DNAH14: variants seen among roughly 807,000 people sequenced by gnomAD.
The protein encoded by DNAH14 is dynein axonemal heavy chain 14, also known as axonemal beta dynein heavy chain 14.
In DNAH14, 478 loss-of-function variants were observed where a neutral mutation model predicts 520.9. The ratio of observed to expected loss-of-function variants is 0.92; its 90% confidence interval spans 0.85 to 0.99. The LOEUF (loss-of-function observed/expected upper bound fraction) is 0.99, where lower values mean the gene tolerates loss of function less well. Among genes scored for constraint, DNAH14 ranks in the 50% least tolerant of loss-of-function variants. DNAH14 has a pLI of 0.00. For missense variants in DNAH14, 4,831 were observed against 5,234.5 expected, an observed-to-expected ratio of 0.92 and a Z score of 2.38; for synonymous variants, 1,581 against 1,757.2, an observed-to-expected ratio of 0.90 and a Z score of 2.51.
intron 37 of DNAH14, among the ~76,000 whole-genome samples, chr1:225,187,538 T>C: frequency 6.6e-6 from 1 of 151,936 alleles, no homozygotes; most frequent in Non-Finnish European, 1.5e-5. Context: ...CATATGGTAA[T>C]TCTGTGTTTA....
chr1:225,386,427 A>G (rs1009092853), intron 81 of DNAH14, among the ~76,000 whole-genome samples: 6 of 152,246 alleles, frequency 3.9e-5, no homozygotes, highest in South Asian at 2.1e-4. Context: ...AGAAACTACC[A>G]TCAGATTGAA....
Position 225,385,037 on chromosome 1 carries a change from A to T in DNAH14, c.13078-3342A>T, listed in dbSNP as rs1181093101. ...TCAAAAAGCTTATCCACTATGATCA[A>T]GTTGGCTTCCTCCATGGGATGCAGG... On this transcript the variant is annotated intron_variant, in intron 81 of 85. Transcript: ENST00000682510. Among the ~76,000 whole-genome samples the T allele has an allele frequency of 2.0e-5, 3 of 152,250 alleles. No individual in the cohort carries two copies. The East Asian group carries it at 5.8e-4, about 29-fold the overall frequency.
Position 225,049,045 on chromosome 1 carries a change from CTATT to C in DNAH14, c.1913-1163_1913-1160del, listed in dbSNP as rs376252659. ...CCAAATGTCTTTTTAGATCTCTTGC[CTATT>C]TTTTTTTTTTTTTTTTTTTTTTTTT... is the stretch of plus-strand genomic sequence containing the variant. On this transcript the variant is annotated intron_variant, in intron 15 of 85. Coordinates refer to ENST00000682510, the MANE Select transcript of DNAH14 (RefSeq NM_001367479.1). Among the ~76,000 whole-genome samples the C allele has an allele frequency of 3.3e-3, 285 of 87,014 alleles. 3 individuals are homozygous for C. The highest frequency in any genetic ancestry group is 0.01 in the East Asian group (30 of 2,996). The allele number at this position is 87,014 out of a possible 152,430, so 57.1% of individuals were successfully genotyped here.
intron 3 of DNAH14, 70 bp from the exon 4 acceptor site, chr1:224,960,083 T>C: frequency 7.2e-7 from 1 of 1,384,590 alleles, no homozygotes. Flanking sequence ...TATTGCTGGG[T>C]ATGTGGAATT....
intron 33 of DNAH14, 117 bp from the exon 34 acceptor site, chr1:225,153,633 G>T: frequency 4.7e-6 from 3 of 642,530 alleles, no homozygotes; most frequent in Admixed American, 3.3e-5. Flanking sequence ...TTGGATTCAT[G>T]TCACTGTTTC....
rs538993137 is a variant in DNAH14, at chr1:224,939,181, T to C, written c.-34+9346T>C. 7.5e-4 allele frequency among the ~76,000 whole-genome samples: 114 copies of C among 152,370 alleles called. 1 individual carries two copies. Among genetic ancestry groups the C allele is most frequent in the African/African-American group, 2.6e-3 (110 of 41,590 alleles). On this transcript the variant is annotated intron_variant, in intron 1 of 85. Coordinates refer to ENST00000682510, the MANE Select transcript of DNAH14 (RefSeq NM_001367479.1). ...AAAAATACAATACTTGACTGACAGT[T>C]ATTTTCTTCTCAGCATTTTGAGGAT...
At chr1:225,270,939 TC>T in intron 50 of DNAH14, 73 bp downstream of exon 50, 1 of 1,397,328 alleles carries the variant, frequency 7.2e-7, no homozygotes, top group Non-Finnish European at 9.7e-7. Context: ...AGAACTTAAA[TC>T]CACTAATATT....
In DNAH14 at chr1:225,335,275, T is replaced by TGTGTATATGCAGATACACACATGTGTACG. The variant is rs1558425838; in HGVS notation, c.10080+1769_10080+1770insGTGTATATGCAGATACACACATGTGTACG. ...GTATATGCACATATACACGTGTACA[T>TGTGTATATGCAGATACACACATGTGTACG]TGTGTGTATATGCACATATACACAT... is the stretch of plus-strand genomic sequence containing the variant. On this transcript the variant is annotated intron_variant, in intron 66 of 85. Coordinates refer to ENST00000682510, the MANE Select transcript of DNAH14 (RefSeq NM_001367479.1). Among the ~76,000 whole-genome samples, 6 of 79,246 alleles carry TGTGTATATGCAGATACACACATGTGTACG rather than the reference T, an allele frequency of 7.6e-5. No individual in the cohort carries two copies. The East Asian group carries it at 2.9e-3, about 39-fold the overall frequency. The allele number at this position is 79,246 out of a possible 152,430, so 52.0% of individuals were successfully genotyped here. A position where few individuals can be genotyped will look rare whatever the true frequency, so the allele number is the denominator to read the frequency against.
intron 3 of DNAH14, among the ~76,000 whole-genome samples, chr1:224,958,554 G>GGATT (rs1306508062): frequency 6.6e-6 from 1 of 151,916 alleles, no homozygotes; most frequent in African/African-American, 2.4e-5. Flanking sequence ...GAGGGATGAT[G>GGATT]GATTGTAAGA....
chr1:225,108,211 C>G (rs1035626149), intron 23 of DNAH14, among the ~76,000 whole-genome samples: 4 of 152,168 alleles, frequency 2.6e-5, no homozygotes, highest in African/African-American at 9.7e-5. Flanking sequence ...CCAAGTTCTT[C>G]AGCTTTTGGA....
intron 55 of DNAH14, among the ~76,000 whole-genome samples, chr1:225,297,191 G>A (rs2094028637): frequency 6.6e-6 from 1 of 151,834 alleles, no homozygotes. Context: ...ATTGAAATCT[G>A]TAGCTCTGAG....
intron 11 of DNAH14, among the ~76,000 whole-genome samples, chr1:225,036,371 G>A (rs1056813125): frequency 3.9e-5 from 6 of 152,146 alleles, no homozygotes; most frequent in African/African-American, 1.2e-4. Flanking sequence ...TCCTGACCTC[G>A]TGATCCACCC....
chr1:225,085,849 A>G (rs909059947), intron 21 of DNAH14, 60 bp downstream of exon 21: 58 of 1,450,148 alleles, frequency 4.0e-5, no homozygotes, highest in South Asian at 1.4e-4. Context: ...TATTATTTCA[A>G]TCTTTTGCGG....
intron 31 of DNAH14, among the ~76,000 whole-genome samples, chr1:225,151,337 G>A (rs1422396869): frequency 8.6e-6 from 1 of 115,876 alleles, no homozygotes; most frequent in Non-Finnish European, 2.2e-5. Context: ...AGTTGGGGGT[G>A]GGGGGGTCAC....
chr1:225,360,788 G>A lies in DNAH14; in HGVS notation c.11884G>A (p.Asp3962Asn), dbSNP rs141105896. ...CCGTGACCAAGCAGCTAAAGCTGAA[G>A]ACCTCATTTTAAAGGCACTAACAAA... ...LGRDQAAKAEDLILKALTKTQ... is the reference protein window; with the variant it reads ...LGRDQAAKAENLILKALTKTQ... Residue 3962 changes from aspartate to asparagine, a missense_variant, in exon 75 of 86, where the codon GAC (aspartate) becomes AAC (asparagine). By Grantham distance (23) the Asp-to-Asn change is conservative (BLOSUM62 1). Transcript: ENST00000682510. 42 of 1,551,702 alleles carry A rather than the reference G, an allele frequency of 2.7e-5. No homozygotes were observed. The African/African-American group carries it at 4.2e-4, about 16-fold the overall frequency.
chr1:225,080,685 G>T lies in DNAH14; in HGVS notation c.3073G>T (p.Asp1025Tyr). The change falls in exon 19 of 86, where the codon GAT becomes TAT. Residue 1025 changes from aspartate to tyrosine, a missense_variant. Transcript: ENST00000682510. ...EWRNSSLQSI[D>Y]VESVQRNVSK... ...GAGGAATAGTTCTCTTCAAAGTATT[G>T]ATGTAGAATCAGTACAGAGAAATGT... 1 of 1,551,188 alleles carries T rather than the reference G, an allele frequency of 6.4e-7. No individual in the cohort carries two copies. The highest frequency in any genetic ancestry group is 8.7e-7 in the Non-Finnish European group (1 of 1,146,714).
chr1:225,099,422 T>A (rs2170109), intron 22 of DNAH14, among the ~76,000 whole-genome samples: 30,727 of 151,856 alleles, frequency 0.2, 6,461 homozygotes, highest in African/African-American at 0.53. Flanking sequence ...CCTCTGGGAG[T>A]CATTTCACAA....
chr1:224,996,297 G>T (rs1008429445), intron 8 of DNAH14, among the ~76,000 whole-genome samples: 1 of 151,660 alleles, frequency 6.6e-6, no homozygotes, highest in Admixed American at 6.6e-5. Flanking sequence ...GAGACCACAG[G>T]TGCATGCCAC....
Position 225,147,136 on chromosome 1 carries a change from G to T in DNAH14, c.4827G>T (p.Gln1609His), listed in dbSNP as rs1344450074. The change falls in exon 31 of 86, where the codon CAG becomes CAT. Residue 1609 changes from glutamine (Q) to histidine (H), a missense_variant. Coordinates refer to ENST00000682510, the MANE Select transcript of DNAH14 (RefSeq NM_001367479.1). ...GAAAATTTTTCTTTGGACTAGTTCA[G>T]TCAGGAGCATGGAGTTGTTTTGATG... is the stretch of plus-strand genomic sequence containing the variant. ...IVRKFFFGLV[Q>H]SGAWSCFDEF... is the part of the protein sequence containing the mutation. The T allele has an allele frequency of 2.6e-6, 4 of 1,547,296 alleles. No homozygotes were observed. Among genetic ancestry groups the T allele is most frequent in the African/African-American group, 2.7e-5 (2 of 72,734 alleles).
Sources: allele counts gnomAD v4.1 joint callset (sites outside exome capture counted in the v4.1 genomes callset), GRCh38; gene constraint gnomAD v4.1.1; transcripts MANE v1.5; gene names NCBI Gene and HGNC (gene_info 2026-07-23, HGNC 2026-07-21).